The following DPP10 variants were observed in gnomAD, a reference collection of about 807,000 sequenced individuals.
The protein encoded by DPP10 is inactive dipeptidyl peptidase 10.
A neutral mutation model predicts 120.9 loss-of-function variants in DPP10; 33 were observed. That is an observed-to-expected ratio of 0.27 (90% CI 0.21 to 0.37). DPP10 has a LOEUF of 0.37. Among genes scored for constraint, DPP10 ranks in the 10% least tolerant of loss-of-function variants. The pLI is 1.00. For synonymous variants in DPP10, 337 were observed against 326.1 expected, an observed-to-expected ratio of 1.03 and a Z score of -0.36; for missense variants, 816 against 942.8, an observed-to-expected ratio of 0.87 and a Z score of 1.76.
intron 1 of DPP10, among the ~76,000 whole-genome samples, chr2:114,885,207 T>G (rs533258791): frequency 6.6e-6 from 1 of 152,194 alleles, no homozygotes; most frequent in Admixed American, 6.5e-5. Flanking sequence ...TCAGAAATCT[T>G]ACAATCACGG....
intron 1 of DPP10, among the ~76,000 whole-genome samples, chr2:115,016,842 T>C (rs1352723288): frequency 1.3e-5 from 2 of 151,912 alleles, no homozygotes; most frequent in African/African-American, 4.8e-5. Flanking sequence ...ATTAAGAAAA[T>C]GTGGCACATA....
intron 21 of DPP10, among the ~76,000 whole-genome samples, chr2:115,821,205 TATCCC>T (rs1354368839): frequency 4.6e-5 from 7 of 152,202 alleles, no homozygotes; most frequent in Admixed American, 1.3e-4. Flanking sequence ...TGCATTAAAG[TATCCC>T]TTTATAATGT....
intron 1 of DPP10, among the ~76,000 whole-genome samples, chr2:115,185,778 C>T (rs1479962942): frequency 6.6e-6 from 1 of 152,126 alleles, no homozygotes; most frequent in Non-Finnish European, 1.5e-5. Flanking sequence ...CTAATTTTAA[C>T]AAAAGAATGT....
Position 115,576,390 on chromosome 2 carries a change from A to T in DPP10, c.441+50418A>T, listed in dbSNP as rs536803404. 7.9e-5 allele frequency among the ~76,000 whole-genome samples: 12 copies of T among 152,354 alleles called. No individual in the cohort carries two copies. The East Asian group carries it at 2.3e-3, about 29-fold the overall frequency. ...CTGCTAAGTTTTCAGCAAAGTCTTA[A>T]TGAAAAGTCAGAAATAAATGAGTCT... On this transcript the variant is annotated intron_variant, in intron 5 of 25. Coordinates refer to ENST00000410059, the MANE Select transcript of DPP10 (RefSeq NM_020868.6).
intron 1 of DPP10, among the ~76,000 whole-genome samples, chr2:115,190,804 A>G (rs746844642): frequency 1.3e-4 from 20 of 152,338 alleles, no homozygotes; most frequent in South Asian, 6.2e-4. Flanking sequence ...CCTGTCGCAC[A>G]TAACAGTCGC....
chr2:115,744,111 A>C (rs1396011014), intron 9 of DPP10, among the ~76,000 whole-genome samples: 1 of 150,768 alleles, frequency 6.6e-6, no homozygotes, highest in Non-Finnish European at 1.5e-5. Context: ...TTGTAAAAAC[A>C]GATTTGTAGG....
chr2:115,661,606 A>G (rs2088979644), intron 5 of DPP10, among the ~76,000 whole-genome samples: 1 of 152,228 alleles, frequency 6.6e-6, no homozygotes, highest in Non-Finnish European at 1.5e-5. Context: ...TTGTTTCAAC[A>G]GCCAGTTTCA....
chr2:115,410,610 G>A (rs899414909), intron 3 of DPP10, among the ~76,000 whole-genome samples: 2 of 152,134 alleles, frequency 1.3e-5, no homozygotes, highest in Admixed American at 6.6e-5. Context: ...CATGCACCTG[G>A]CACTTAAAAG....
intron 1 of DPP10, among the ~76,000 whole-genome samples, chr2:114,800,108 C>T (rs941553702): frequency 2.6e-5 from 4 of 152,048 alleles, no homozygotes; most frequent in African/African-American, 9.7e-5. Flanking sequence ...GATGTAAGCG[C>T]AAGATTCGAA....
intron 1 of DPP10, among the ~76,000 whole-genome samples, chr2:114,878,848 G>A (rs557856523): frequency 2.4e-4 from 36 of 152,196 alleles, no homozygotes; most frequent in African/African-American, 8.4e-4. Flanking sequence ...TGAACACTTA[G>A]ACTGATTCCA....
intron 5 of DPP10, among the ~76,000 whole-genome samples, chr2:115,611,083 G>A (rs928761725): frequency 2.0e-4 from 30 of 152,148 alleles, no homozygotes; most frequent in African/African-American, 7.0e-4. Context: ...AAGCCAGATT[G>A]TGCAACTAAT....
rs1268337066 is a variant in DPP10 at position 115,040,488 on chromosome 2, AAAG to A, written c.61-268744_61-268742del. Among the ~76,000 whole-genome samples, 6 of 152,082 alleles carry A rather than the reference AAAG, an allele frequency of 3.9e-5. No individual in the cohort carries two copies. In the South Asian group the frequency reaches 8.3e-4, roughly 21 times the overall value. On this transcript the variant is annotated intron_variant, in intron 1 of 25. Coordinates refer to ENST00000410059, the MANE Select transcript of DPP10 (RefSeq NM_020868.6). ...ACAATTTGGAGCACAAACCAAGAGGAAAGAAGAAGGACTTTACCCACAGCTGAC... is the reference window on the plus strand; with the variant it reads ...ACAATTTGGAGCACAAACCAAGAGGAAAGAAGGACTTTACCCACAGCTGAC...
intron 5 of DPP10, among the ~76,000 whole-genome samples, chr2:115,662,422 T>C (rs2089068278): frequency 7.6e-6 from 1 of 131,154 alleles, no homozygotes; most frequent in African/African-American, 3.2e-5. Context: ...TCTATTTTTA[T>C]TTTTGTTTTT....
chr2:115,762,672 A>G (rs1042305303), intron 12 of DPP10, 62 bp downstream of exon 12: 19 of 1,576,286 alleles, frequency 1.2e-5, no homozygotes, highest in South Asian at 4.4e-5. Context: ...CCCATTTTTT[A>G]TGTGATAACT....
At chr2:115,632,643 T>G (rs1273002720) in intron 5 of DPP10, among the ~76,000 whole-genome samples, 1 of 152,168 alleles carries the variant, frequency 6.6e-6, no homozygotes, top group Non-Finnish European at 1.5e-5. Context: ...GGAAATTCTT[T>G]TCTTTAAGAA....
intron 7 of DPP10, among the ~76,000 whole-genome samples, chr2:115,696,046 A>G (rs1021286456): frequency 6.6e-6 from 1 of 152,150 alleles, no homozygotes; most frequent in Admixed American, 6.5e-5. Flanking sequence ...GACAAGTGAA[A>G]TGATTGAGTA....
chr2:115,328,765 G>A (rs2062517374), intron 2 of DPP10, among the ~76,000 whole-genome samples: 1 of 152,094 alleles, frequency 6.6e-6, no homozygotes, highest in Admixed American at 6.6e-5. Context: ...TCCTGAAAGA[G>A]TTCACTAGAG....
At chr2:115,683,223 A>C (rs2090771712) in intron 5 of DPP10, among the ~76,000 whole-genome samples, 1 of 151,964 alleles carries the variant, frequency 6.6e-6, no homozygotes, top group Non-Finnish European at 1.5e-5. Context: ...CATATTAGTA[A>C]GTGAAAAAAG....
intron 5 of DPP10, among the ~76,000 whole-genome samples, chr2:115,651,760 G>A (rs79408864): frequency 6.6e-6 from 1 of 152,162 alleles, no homozygotes; most frequent in East Asian, 1.9e-4. Context: ...ATACTGAAAA[G>A]TTATTGTAAA....
Sources: allele counts gnomAD v4.1 joint callset (sites outside exome capture counted in the v4.1 genomes callset), GRCh38; gene constraint gnomAD v4.1.1; transcripts MANE v1.5; gene names NCBI Gene and HGNC (gene_info 2026-07-23, HGNC 2026-07-21).